NSRP1: variants seen among roughly 807,000 people sequenced by gnomAD.
NSRP1 encodes the protein coiled-coil domain containing 55.
In NSRP1, 24 loss-of-function variants were observed where a neutral mutation model predicts 54.7. The ratio of observed to expected loss-of-function variants is 0.44; its 90% CI spans 0.32 to 0.62. The LOEUF (loss-of-function observed/expected upper bound fraction) is 0.62, where lower values mean the gene tolerates loss of function less well. Ranked by LOEUF, NSRP1 falls within the 20% of genes least tolerant of loss-of-function variation. The pLI is 0.06. For synonymous variants in NSRP1, 210 were observed against 213.8 expected, an observed-to-expected ratio of 0.98 and a Z score of 0.15; for missense variants, 596 against 651.2, an observed-to-expected ratio of 0.92 and a Z score of 0.92.
At chr17:30,132,048 A>T (rs1288705011) in intron 2 of NSRP1, among the ~76,000 whole-genome samples, 1 of 152,058 alleles carries the variant, frequency 6.6e-6, no homozygotes, top group Non-Finnish European at 1.5e-5. Context: ...GGAGATCAAG[A>T]CCATCCTGGC....
rs1020563439 is a variant in NSRP1 at position 30,179,390 on chromosome 17, A to C, written c.508+93A>C. 7.8e-6 allele frequency: 11 copies of C among 1,408,636 alleles called. No homozygotes were observed. In the African/African-American group the frequency reaches 1.4e-4, roughly 18 times the overall value. 87.3% of individuals were successfully genotyped at this position (1,408,636 alleles called of 1,614,324 possible). A position where few individuals can be genotyped will look rare whatever the true frequency, so the allele number is the denominator to read the frequency against. On this transcript the variant is annotated intron_variant, in intron 5 of 6. Coordinates refer to ENST00000247026, the MANE Select transcript of NSRP1 (RefSeq NM_032141.4). ...TGCTCTGTCACTGAACTTTAGGGTT[A>C]TGAGTTTGTGATCATAATTTATATA...
In NSRP1 at chr17:30,118,062, C is replaced by CA. The variant is rs760510241; in HGVS notation, c.21-10dup. ...AAACATAAAGGTTTAATTTCTATTT[C>CA]AAAAAAAATATATGCAGGTATGGGC... On this transcript the variant is annotated splice_polypyrimidine_tract_variant and intron_variant, in intron 1 of 6. Transcript: ENST00000247026. The CA allele has an allele frequency of 1.7e-4, 272 of 1,588,752 alleles. No homozygotes were observed. The highest frequency in any genetic ancestry group is 2.2e-4 in the Non-Finnish European group (250 of 1,162,028).
intron 1 of NSRP1, chr17:30,117,559 C>T (rs1291464599): frequency 1.0e-5 from 4 of 395,444 alleles, no homozygotes; most frequent in African/African-American, 8.3e-5. Flanking sequence ...GTAATGCGAA[C>T]TTGCCCCATG....
chr17:30,131,832 A>G (rs182638077), intron 2 of NSRP1, among the ~76,000 whole-genome samples: 63 of 152,332 alleles, frequency 4.1e-4, no homozygotes, highest in African/African-American at 1.4e-3. Flanking sequence ...AACTTTAAAA[A>G]TTGGAGTCAG....
At chr17:30,145,376 A>C (rs1226343342) in intron 2 of NSRP1, among the ~76,000 whole-genome samples, 1 of 152,204 alleles carries the variant, frequency 6.6e-6, no homozygotes, top group Non-Finnish European at 1.5e-5. Context: ...CGAGGTCAAG[A>C]GGTTGAGACC....
chr17:30,175,348 C>T (rs1905091477), intron 3 of NSRP1, among the ~76,000 whole-genome samples: 1 of 151,606 alleles, frequency 6.6e-6, no homozygotes, highest in South Asian at 2.1e-4. Flanking sequence ...TTTTTGATTA[C>T]CTTTTTGTTA....
rs992877689 is a variant in NSRP1, at chr17:30,181,025, A to C, written c.617+9A>C. On this transcript the variant is annotated intron_variant, in intron 6 of 6. Coordinates refer to ENST00000247026, the MANE Select transcript of NSRP1 (RefSeq NM_032141.4). ...AGCTTTCGTGAAGCCAGGTGAGGAG[A>C]CGTGTATGAAATATTTTGAAGAAAA... 2.0e-6 allele frequency: 3 copies of C among 1,513,054 alleles called. No homozygotes were observed. The highest frequency in any genetic ancestry group is 2.8e-6 in the Non-Finnish European group (3 of 1,088,200). 93.7% of individuals were successfully genotyped at this position (1,513,054 alleles called of 1,614,324 possible). A position where few individuals can be genotyped will look rare whatever the true frequency, so the allele number is the denominator to read the frequency against.
rs373294501 is a variant in NSRP1 at position 30,183,441 on chromosome 17, A to AT, written c.618-1173dup. ...TTTTGAATGGAAATTATATTACGTT[A>AT]TATCTTTGTATTAGAGTTTCATCTG... On this transcript the variant is annotated intron_variant, in intron 6 of 6. Transcript: ENST00000247026. Among the ~76,000 whole-genome samples, 447 of 152,300 alleles carry AT rather than the reference A, an allele frequency of 2.9e-3. 1 individual carries two copies. Among genetic ancestry groups the AT allele is most frequent in the African/African-American group, 0.01 (425 of 41,554 alleles).
intron 2 of NSRP1, chr17:30,127,939 C>T (rs1035274994): frequency 2.3e-5 from 9 of 397,524 alleles, no homozygotes; most frequent in Non-Finnish European, 2.2e-5. Context: ...GGCCGAAGCA[C>T]GCCTCTCACC....
intron 2 of NSRP1, among the ~76,000 whole-genome samples, chr17:30,149,250 G>A (rs2071884391): frequency 6.6e-6 from 1 of 152,054 alleles, no homozygotes; most frequent in South Asian, 2.1e-4. Context: ...GGGTCTTGCT[G>A]TGTTGTCCGG....
intron 2 of NSRP1, among the ~76,000 whole-genome samples, chr17:30,132,336 T>G (rs185720578): frequency 2.2e-4 from 32 of 148,124 alleles, no homozygotes; most frequent in African/African-American, 7.0e-4. Context: ...GCGAATCACC[T>G]GAGGTCAGGA....
At chr17:30,154,628 C>T (rs1190210991) in intron 2 of NSRP1, 1 of 151,616 alleles carries the variant, frequency 6.6e-6, no homozygotes, top group Non-Finnish European at 1.5e-5. Context: ...AGGAGGATCG[C>T]TTGAGCCTGG....
In NSRP1 at chr17:30,145,288, A is replaced by G. The variant is rs1261526242; in HGVS notation, c.114+27115A>G. Among the ~76,000 whole-genome samples, 3 of 150,614 alleles carry G rather than the reference A, an allele frequency of 2.0e-5. No individual in the cohort carries two copies. The East Asian group carries it at 6.0e-4, about 30-fold the overall frequency. ...TCTAGATCATAGGGTATGTATATAAATTATTGCACTAAGGCCGGGCGCAGT... is the reference window on the plus strand; with the variant it reads ...TCTAGATCATAGGGTATGTATATAAGTTATTGCACTAAGGCCGGGCGCAGT... On this transcript the variant is annotated intron_variant, in intron 2 of 6. Transcript: ENST00000247026.
intron 2 of NSRP1, among the ~76,000 whole-genome samples, chr17:30,121,577 T>A (rs2071597936): frequency 1.3e-5 from 2 of 151,122 alleles, no homozygotes; most frequent in South Asian, 4.2e-4. Flanking sequence ...TGTGTTTTTT[T>A]TTTTTTTTGA....
In NSRP1 at chr17:30,170,449, C is replaced by T. The variant is rs372848523; in HGVS notation, c.115-2093C>T. Among the ~76,000 whole-genome samples, 105 of 152,230 alleles carry T rather than the reference C, an allele frequency of 6.9e-4. 2 individuals carry two copies. The South Asian group carries it at 0.021, about 30-fold the overall frequency. On this transcript the variant is annotated intron_variant, in intron 2 of 6. Transcript: ENST00000247026. ...ATCTTGTTACATACCTACCTCTTCC[C>T]ATTTCCTCTCACCCCACCCCTAGTA...
chr17:30,167,534 G>T (rs1301086199), intron 2 of NSRP1, among the ~76,000 whole-genome samples: 1 of 151,892 alleles, frequency 6.6e-6, no homozygotes, highest in African/African-American at 2.4e-5. Context: ...TCTTGAACCC[G>T]GGAGGCGGAG....
chr17:30,165,099 C>A (rs754319477), intron 2 of NSRP1, among the ~76,000 whole-genome samples: 41 of 152,048 alleles, frequency 2.7e-4, no homozygotes, highest in African/African-American at 9.4e-4. Flanking sequence ...AATCTCAAAA[C>A]GATATACTGC....
chr17:30,174,839 T>C (rs1248089663), intron 3 of NSRP1, among the ~76,000 whole-genome samples: 4 of 152,232 alleles, frequency 2.6e-5, no homozygotes, highest in African/African-American at 9.6e-5. Context: ...TAAAATGTTA[T>C]CATTTTCATA....
intron 2 of NSRP1, among the ~76,000 whole-genome samples, chr17:30,130,408 C>G (rs546780926): frequency 6.6e-6 from 1 of 152,116 alleles, no homozygotes; most frequent in East Asian, 1.9e-4. Context: ...GTCCACTAGT[C>G]TTTTTAACCA....
Sources: allele counts gnomAD v4.1 joint callset (sites outside exome capture counted in the v4.1 genomes callset), GRCh38; gene constraint gnomAD v4.1.1; transcripts MANE v1.5; gene names NCBI Gene and HGNC (gene_info 2026-07-23, HGNC 2026-07-21).